The following COL11A1 variants were observed in gnomAD, a reference collection of about 807,000 sequenced individuals.
The protein encoded by COL11A1 is collagen alpha-1(XI) chain.
In COL11A1, 74 loss-of-function variants were observed where a neutral mutation model predicts 265.2. The observed-to-expected ratio is 0.28, with a 90% CI of 0.23 to 0.34. COL11A1 has a LOEUF of 0.34. COL11A1 is among the 10% of genes least tolerant of loss of function. The probability of loss-of-function intolerance (pLI) is 1.00; values close to 1 mark genes in which losing one functional copy is unlikely to be tolerated. For missense variants in COL11A1, 2,165 were observed against 2,263.6 expected (o/e 0.96, Z 0.88); for synonymous variants, 816 against 727.6 (o/e 1.12, Z -1.96).
intron 57 of COL11A1, among the ~76,000 whole-genome samples, 199 bp from the exon 58 acceptor site, chr1:102,890,703 T>C (rs1265212674): frequency 6.6e-6 from 1 of 152,052 alleles, no homozygotes; most frequent in Non-Finnish European, 1.5e-5. Flanking sequence ...AACCATAATA[T>C]TGATAATTTT....
intron 7 of COL11A1, among the ~76,000 whole-genome samples, chr1:103,024,577 T>C (rs1667371183): frequency 6.6e-6 from 1 of 152,134 alleles, no homozygotes; most frequent in Admixed American, 6.5e-5. Flanking sequence ...ATATCTATGG[T>C]GAGAATATTG....
chr1:102,950,043 C>A (rs887253265), intron 41 of COL11A1, among the ~76,000 whole-genome samples: 5 of 152,166 alleles, frequency 3.3e-5, no homozygotes, highest in African/African-American at 9.7e-5. Context: ...TGCCTGTAAT[C>A]TCAGCACTTT....
intron 1 of COL11A1, among the ~76,000 whole-genome samples, chr1:103,097,312 T>A (rs1572521): frequency 6.6e-6 from 1 of 151,830 alleles, no homozygotes; most frequent in African/African-American, 2.4e-5. Context: ...CCCCACTGCT[T>A]CTTCTCCAGA....
At position 103,012,516 on chromosome 1, in the gene COL11A1, C is replaced by A. The variant is rs368228342; in HGVS notation, c.1573-47G>T. ...ATTCAGTAATATTCTCCTGGAAGAGCACATTAAAGTACAATATGAATCTGC... is the reference window on the plus strand; with the variant it reads ...ATTCAGTAATATTCTCCTGGAAGAGAACATTAAAGTACAATATGAATCTGC... On this transcript the variant is annotated intron_variant, in intron 13 of 66. Coordinates refer to ENST00000370096, the MANE Select transcript of COL11A1 (RefSeq NM_001854.4). 1.1e-5 allele frequency: 15 copies of A among 1,419,858 alleles called. No homozygotes were observed. In the African/African-American group the frequency reaches 2.0e-4, roughly 19 times the overall value. The allele number at this position is 1,419,858 out of a possible 1,614,324, so 88.0% of individuals were successfully genotyped here.
intron 9 of COL11A1, among the ~76,000 whole-genome samples, chr1:103,019,933 G>T (rs957364585): frequency 6.2e-5 from 9 of 145,660 alleles, no homozygotes; most frequent in African/African-American, 2.3e-4. Flanking sequence ...ATTTTTTATG[G>T]CTGCATAGTA....
intron 31 of COL11A1, 134 bp from the exon 32 acceptor site, chr1:102,979,569 T>C (rs777305220): frequency 6.9e-6 from 5 of 727,304 alleles, no homozygotes; most frequent in African/African-American, 5.3e-5. Flanking sequence ...TTTTAAGATA[T>C]CATCGAAGTA....
At chr1:102,974,679 A>T (rs1662295150) in intron 36 of COL11A1, 151 bp downstream of exon 36, 2 of 657,908 alleles carry the variant, frequency 3.0e-6, no homozygotes, top group South Asian at 3.8e-5. Context: ...GAACCTTATA[A>T]ATTAAAAATG....
chr1:103,088,094 C>T (rs956163605), intron 1 of COL11A1, among the ~76,000 whole-genome samples: 1 of 152,120 alleles, frequency 6.6e-6, no homozygotes, highest in African/African-American at 2.4e-5. Flanking sequence ...TTGCCTTCAC[C>T]ATCCATATAG....
At chr1:103,096,684 G>A (rs1007041276) in intron 1 of COL11A1, among the ~76,000 whole-genome samples, 1 of 151,892 alleles carries the variant, frequency 6.6e-6, no homozygotes, top group African/African-American at 2.4e-5. Flanking sequence ...AATTCTATTT[G>A]AATAATTTCC....
intron 53 of COL11A1, 50 bp from the exon 54 acceptor site, chr1:102,912,262 G>A: frequency 6.8e-7 from 1 of 1,475,330 alleles, no homozygotes; most frequent in East Asian, 2.4e-5. Context: ...TTATTTTGTG[G>A]CCCACATAAA....
At chr1:102,890,382 C>A in intron 58 of COL11A1, 69 bp downstream of exon 58, 7 of 1,350,634 alleles carry the variant, frequency 5.2e-6, no homozygotes, top group Non-Finnish European at 7.1e-6. Flanking sequence ...TGATTTTAAT[C>A]TGCAAAAGCA....
intron 1 of COL11A1, among the ~76,000 whole-genome samples, chr1:103,084,506 A>T (rs1018997370): frequency 6.6e-6 from 1 of 152,056 alleles, no homozygotes; most frequent in Admixed American, 6.6e-5. Context: ...AACCAAAAGT[A>T]TCCAGCCATA....
At chr1:103,077,485 T>A (rs986982638) in intron 3 of COL11A1, among the ~76,000 whole-genome samples, 9 of 152,072 alleles carry the variant, frequency 5.9e-5, no homozygotes, top group Admixed American at 5.2e-4. Context: ...CTATTATATC[T>A]AATTTGTTTA....
Position 102,882,584 on chromosome 1 carries a change from G to A in COL11A1, c.4971+615C>T, listed in dbSNP as rs190174089. ...CTCTATTGTCCACACCATTTACTAG[G>A]AAGAATGAGATTTATTACATGAATA... is the stretch of plus-strand genomic sequence containing the variant. On this transcript the variant is annotated intron_variant, in intron 64 of 66. Transcript: ENST00000370096. Among the ~76,000 whole-genome samples the A allele has an allele frequency of 1.1e-3, 162 of 152,168 alleles. 1 individual carries two copies. The Middle Eastern group carries it at 0.014, about 13-fold the overall frequency.
intron 41 of COL11A1, among the ~76,000 whole-genome samples, chr1:102,949,021 C>A (rs763577569): frequency 2.0e-4 from 31 of 151,780 alleles, no homozygotes; most frequent in Non-Finnish European, 3.8e-4. Context: ...AGAGCAAGGT[C>A]TATGAATTGA....
At chr1:103,029,480 G>T (rs1667809463) in intron 5 of COL11A1, among the ~76,000 whole-genome samples, 1 of 151,740 alleles carries the variant, frequency 6.6e-6, no homozygotes, top group South Asian at 2.1e-4. Flanking sequence ...TTTTGATGCT[G>T]GTATAGATGC....
chr1:103,102,089 G>A (rs1674322558), intron 1 of COL11A1, among the ~76,000 whole-genome samples: 1 of 151,942 alleles, frequency 6.6e-6, no homozygotes, highest in Non-Finnish European at 1.5e-5. Context: ...TTTGCTACAA[G>A]CTAGTATTAT....
At chr1:102,884,262 T>G (rs536305007) in intron 63 of COL11A1, 7 of 152,304 alleles carry the variant, frequency 4.6e-5, no homozygotes, top group Admixed American at 2.6e-4. Flanking sequence ...ACCCCTTTTT[T>G]GCAAAGCCAG....
In COL11A1 at chr1:102,934,233, C is replaced by T. The variant is rs562588100; in HGVS notation, c.3600+216G>A. Among the ~76,000 whole-genome samples, 106 of 152,130 alleles carry T rather than the reference C, an allele frequency of 7.0e-4. 1 individual carries two copies. Among genetic ancestry groups the T allele is most frequent in the Non-Finnish European group, 1.1e-3 (76 of 68,004 alleles). On this transcript the variant is annotated intron_variant, in intron 46 of 66. Coordinates refer to ENST00000370096, the MANE Select transcript of COL11A1 (RefSeq NM_001854.4). ...TCTAAAAATACTCCAGAATCAGGAG[C>T]GAGGGCTGATACATGTTCAGGAGAA... is the stretch of plus-strand genomic sequence containing the variant.
Sources: gnomAD v4.1 joint callset for allele counts (sites outside exome capture counted in the v4.1 genomes callset) on GRCh38, gnomAD v4.1.1 for gene constraint, MANE v1.5 for transcripts, NCBI Gene and HGNC (gene_info 2026-07-23, HGNC 2026-07-21) for gene names.